MTR: variants seen among roughly 807,000 people sequenced by gnomAD.
The protein encoded by MTR is 5-methyltetrahydrofolate-homocysteine methyltransferase.
MTR carries 84 observed loss-of-function variants against 154.8 expected under a neutral mutation model. That is an observed-to-expected ratio of 0.54 (90% CI 0.45 to 0.65). The LOEUF is 0.65. MTR is among the 30% of genes least tolerant of loss of function. The pLI is 0.00. For missense variants in MTR, 1,275 were observed against 1,570.2 expected (o/e 0.81, Z 3.18); for synonymous variants, 554 against 553.9 (o/e 1.00, Z 0.00).
intron 19 of MTR, among the ~76,000 whole-genome samples, chr1:236,860,379 T>C (rs960352903): frequency 6.6e-6 from 1 of 151,568 alleles, no homozygotes; most frequent in African/African-American, 2.4e-5. Flanking sequence ...CATGTGTGAG[T>C]CTGGAGAATC....
intron 29 of MTR, among the ~76,000 whole-genome samples, 182 bp downstream of exon 29, chr1:236,891,511 C>T (rs554152359): frequency 4.6e-5 from 7 of 152,106 alleles, no homozygotes; most frequent in Admixed American, 6.5e-5. Flanking sequence ...GGAGAGAAGG[C>T]GCCACCATGG....
chr1:236,820,066 A>G (rs574238403), intron 8 of MTR: 60 of 783,192 alleles, frequency 7.7e-5, no homozygotes, highest in Admixed American at 2.0e-4. Flanking sequence ...TAACCTGCCT[A>G]CCATTGCGCT....
chr1:236,844,453 C>CGTGT (rs58179715), intron 15 of MTR, among the ~76,000 whole-genome samples: 134 of 145,454 alleles, frequency 9.2e-4, no homozygotes, highest in South Asian at 2.9e-3. Context: ...TCAGAAAGGG[C>CGTGT]GTGTGTGTGT....
At chr1:236,847,696 A>C (rs1461938450) in intron 15 of MTR, among the ~76,000 whole-genome samples, 1 of 152,208 alleles carries the variant, frequency 6.6e-6, no homozygotes, top group Non-Finnish European at 1.5e-5. Flanking sequence ...TTTACAAAAC[A>C]CTTGCTGAGA....
At chr1:236,800,365 A>T (rs1294168675) in intron 1 of MTR, 2 of 985,372 alleles carry the variant, frequency 2.0e-6, no homozygotes, top group Non-Finnish European at 2.4e-6. Context: ...GCCACACCTC[A>T]TGCTCACACT....
chr1:236,835,479 T>C, intron 13 of MTR, 68 bp from the exon 14 acceptor site: 1 of 1,585,684 alleles, frequency 6.3e-7, no homozygotes, highest in Non-Finnish European at 8.7e-7. Context: ...GGGTAAGGAA[T>C]TACCTCATTA....
At chr1:236,812,362 A>G (rs1242329940) in intron 5 of MTR, among the ~76,000 whole-genome samples, 1 of 152,250 alleles carries the variant, frequency 6.6e-6, no homozygotes, top group Non-Finnish European at 1.5e-5. Context: ...TCTCTGCATC[A>G]GTGTGGCATG....
At chr1:236,808,264 G>A (rs1006727878) in intron 3 of MTR, among the ~76,000 whole-genome samples, 1 of 152,190 alleles carries the variant, frequency 6.6e-6, no homozygotes, top group African/African-American at 2.4e-5. Flanking sequence ...GATCCCAACT[G>A]TTGTACATGA....
intron 12 of MTR, among the ~76,000 whole-genome samples, chr1:236,831,059 T>C (rs1227620701): frequency 6.6e-6 from 1 of 152,242 alleles, no homozygotes; most frequent in Non-Finnish European, 1.5e-5. Context: ...GCAGACACTT[T>C]ACTGTCTTTG....
Position 236,800,123 on chromosome 1 carries a change from G to T in MTR, c.35-3305G>T, listed in dbSNP as rs77590911. On this transcript the variant is annotated intron_variant, in intron 1 of 32. Transcript: ENST00000366577. ...TACTAAGACTTTTTATGAAAATGAG[G>T]GGTGGAGGCACTCTGAGTGGTTAGA... 2,834 of 927,508 alleles carry T rather than the reference G, an allele frequency of 3.1e-3. 63 individuals are homozygous for T. In the African/African-American group the frequency reaches 0.045, roughly 15 times the overall value. The allele number at this position is 927,508 out of a possible 1,614,324, so 57.5% of individuals were successfully genotyped here.
chr1:236,880,681 A>G (rs1665681551), intron 24 of MTR, 74 bp from the exon 25 acceptor site: 1 of 1,177,202 alleles, frequency 8.5e-7, no homozygotes, highest in African/African-American at 1.5e-5. Context: ...ATTATCTCTA[A>G]TGGCGCTGAA....
chr1:236,828,612 G>A (rs1027211077), intron 11 of MTR, among the ~76,000 whole-genome samples: 8 of 152,080 alleles, frequency 5.3e-5, no homozygotes, highest in South Asian at 2.1e-4. Context: ...AAGGGAGTGC[G>A]AATGACTAAA....
At chr1:236,886,970 C>A (rs1666045013) in intron 27 of MTR, among the ~76,000 whole-genome samples, 1 of 152,118 alleles carries the variant, frequency 6.6e-6, no homozygotes, top group African/African-American at 2.4e-5. Context: ...CTTTTTATTT[C>A]TTTTATTTGG....
In MTR at chr1:236,852,855, A is replaced by C. The variant is rs983770923; in HGVS notation, c.1813-93A>C. ...GCTGTGACAGAGGCTATGGCCTAAA[A>C]TATTTCTCTCTGGCCCTTTACAGAG... On this transcript the variant is annotated intron_variant, in intron 17 of 32. Coordinates refer to ENST00000366577, the MANE Select transcript of MTR (RefSeq NM_000254.3). 2.0e-6 allele frequency: 3 copies of C among 1,469,426 alleles called. No homozygotes were observed. The Admixed American group carries it at 5.1e-5, about 25-fold the overall frequency. 91.0% of individuals were successfully genotyped at this position (1,469,426 alleles called of 1,614,324 possible). A position where few individuals can be genotyped will look rare whatever the true frequency, so the allele number is the denominator to read the frequency against.
Position 236,874,826 on chromosome 1 carries a change from T to C in MTR, c.2574T>C (p.Ile858=), listed in dbSNP as rs890413608. The C allele has an allele frequency of 4.3e-6, 7 of 1,613,802 alleles. No homozygotes were observed. In the African/African-American group the frequency reaches 8.0e-5, roughly 18 times the overall value. ...ERLAIRIPLL[I]GGATTSKTHT... ...TAGCTATAAGGATTCCATTGTTGAT[T>C]GGAGGAGCAACCACTTCAAAGTAAG... is the stretch of plus-strand genomic sequence containing the variant. Residue 858 remains isoleucine (I), a synonymous_variant, in exon 24 of 33, where the codon ATT becomes ATC. Transcript: ENST00000366577.
intron 25 of MTR, among the ~76,000 whole-genome samples, chr1:236,883,756 C>T (rs2147913970): frequency 6.6e-6 from 1 of 152,254 alleles, no homozygotes; most frequent in South Asian, 2.1e-4. Context: ...TTGTTTTATA[C>T]TAACTCATAG....
intron 18 of MTR, among the ~76,000 whole-genome samples, chr1:236,854,716 C>A (rs753378363): frequency 4.6e-5 from 7 of 152,196 alleles, no homozygotes; most frequent in Non-Finnish European, 1.0e-4. Flanking sequence ...AGGAAAGGGG[C>A]TCCTTATTTG....
At chr1:236,820,295 CTG>C in intron 8 of MTR, 1 of 752,872 alleles carries the variant, frequency 1.3e-6, no homozygotes, top group Non-Finnish European at 2.4e-6. Context: ...ACTGAAAAGA[CTG>C]TGACCAAGGA....
At position 236,838,434 on chromosome 1, in the gene MTR, C is replaced by G. The variant is rs1663031903; in HGVS notation, c.1350C>G (p.Ser450=). ...DIAKVPLCID[S]SNFAVIEAGL... ...CTCAGGTACCTTTGTGCATCGACTCCTCCAATTTTGCTGTGATTGAAGCTG... is the reference window on the plus strand; with the variant it reads ...CTCAGGTACCTTTGTGCATCGACTCGTCCAATTTTGCTGTGATTGAAGCTG... Residue 450 remains serine (S), a synonymous_variant, in exon 15 of 33, where the codon TCC becomes TCG. Coordinates refer to ENST00000366577, the MANE Select transcript of MTR (RefSeq NM_000254.3). The G allele has an allele frequency of 2.5e-6, 4 of 1,614,112 alleles. No individual in the cohort carries two copies. Among genetic ancestry groups the G allele is most frequent in the Non-Finnish European group, 3.4e-6 (4 of 1,180,004 alleles).
Sources: allele counts gnomAD v4.1 joint callset (sites outside exome capture counted in the v4.1 genomes callset), GRCh38; gene constraint gnomAD v4.1.1; transcripts MANE v1.5; gene names NCBI Gene and HGNC (gene_info 2026-07-23, HGNC 2026-07-21).